WDHD1: variants seen among roughly 807,000 people sequenced by gnomAD.
WDHD1 encodes the protein WD repeat and HMG-box DNA-binding protein 1.
WDHD1 carries 111 observed loss-of-function variants against 135.4 expected under a neutral mutation model. That is an observed-to-expected ratio of 0.82 (90% CI 0.70 to 0.96). The LOEUF (loss-of-function observed/expected upper bound fraction) is 0.96. Among genes scored for constraint, WDHD1 ranks in the 40% least tolerant of loss-of-function variants. WDHD1 has a pLI of 0.00. For missense variants in WDHD1, 1,351 were observed against 1,336.3 expected, an observed-to-expected ratio of 1.01 and a Z score of -0.17; for synonymous variants, 434 against 439.0, an observed-to-expected ratio of 0.99 and a Z score of 0.14.
chr14:54,962,716 T>C, intron 20 of WDHD1, 22 bp downstream of exon 20: 1 of 1,611,258 alleles, frequency 6.2e-7, no homozygotes, highest in Non-Finnish European at 8.5e-7. Context: ...TCATGATTTA[T>C]GGGCTTGAAA....
rs375612070 is a variant in WDHD1, at chr14:54,997,678, C to A, written c.943-1865G>T. Among the ~76,000 whole-genome samples the A allele has an allele frequency of 2.7e-5, 4 of 147,886 alleles. No individual in the cohort carries two copies. The East Asian group carries it at 8.1e-4, about 30-fold the overall frequency. On this transcript the variant is annotated intron_variant, in intron 10 of 25. Coordinates refer to ENST00000360586, the MANE Select transcript of WDHD1 (RefSeq NM_007086.4). ...CTGTAATCCCAGCACTTTGGGAGGCCGAGGTGGGCAGATCACGAGGTCAGG... is the reference window on the plus strand; with the variant it reads ...CTGTAATCCCAGCACTTTGGGAGGCAGAGGTGGGCAGATCACGAGGTCAGG...
At chr14:54,953,880 C>A (rs1162120302) in intron 24 of WDHD1, among the ~76,000 whole-genome samples, 2 of 152,050 alleles carry the variant, frequency 1.3e-5, no homozygotes, top group East Asian at 3.9e-4. Context: ...GGACAAAAAA[C>A]CAAACACCGC....
chr14:54,971,711 T>TAAA (rs2041436328), intron 16 of WDHD1, among the ~76,000 whole-genome samples: 2 of 34,302 alleles, frequency 5.8e-5, no homozygotes, highest in African/African-American at 2.5e-4. Context: ...AGACTCTGCC[T>TAAA]CAAAAAAAAA....
At chr14:54,987,076 AC>A (rs2140196774) in intron 14 of WDHD1, 69 bp downstream of exon 14, 3 of 1,573,888 alleles carry the variant, frequency 1.9e-6, no homozygotes, top group Non-Finnish European at 2.6e-6. Context: ...AAAAAGAGTA[AC>A]AAAAACAGCA....
At position 54,984,708 on chromosome 14, in the gene WDHD1, A is replaced by G. The variant is rs750363975; in HGVS notation, c.1906+15T>C. 1.3e-6 allele frequency: 2 copies of G among 1,586,582 alleles called. No individual in the cohort carries two copies. Among genetic ancestry groups the G allele is most frequent in the South Asian group, 2.3e-5 (2 of 85,464 alleles). ...TTTATATTATACTTGTTTTTTTTAA[A>G]CAAATTTATCTTGCCTTCAGCTGAA... On this transcript the variant is annotated intron_variant, in intron 15 of 25. Transcript: ENST00000360586.
At chr14:54,965,493 T>A (rs2041325918) in intron 18 of WDHD1, among the ~76,000 whole-genome samples, 1 of 152,104 alleles carries the variant, frequency 6.6e-6, no homozygotes, top group Non-Finnish European at 1.5e-5. Flanking sequence ...GCCCTGGAGA[T>A]TAAAAAACAG....
chr14:54,991,546 A>G, intron 11 of WDHD1, 146 bp from the exon 12 acceptor site: 2 of 784,570 alleles, frequency 2.5e-6, no homozygotes, highest in South Asian at 4.1e-5. Flanking sequence ...AAAGAGATGC[A>G]GTGATGGTGC....
chr14:55,000,087 C>T (rs546970340), intron 10 of WDHD1, among the ~76,000 whole-genome samples: 18 of 152,072 alleles, frequency 1.2e-4, no homozygotes, highest in Non-Finnish European at 2.2e-4. Flanking sequence ...ATCTGCCAGG[C>T]AGGGTGAATA....
chr14:54,969,240 G>A (rs1006050886), intron 16 of WDHD1, among the ~76,000 whole-genome samples: 5 of 151,068 alleles, frequency 3.3e-5, no homozygotes, highest in Non-Finnish European at 7.4e-5. Context: ...GGGTTTCACC[G>A]TGGTCTCGAT....
intron 24 of WDHD1, among the ~76,000 whole-genome samples, chr14:54,950,207 T>TAA: frequency 6.6e-6 from 1 of 152,264 alleles, no homozygotes; most frequent in South Asian, 2.1e-4. Context: ...GCAAATTGGA[T>TAA]AAAGAGTCAA....
chr14:55,002,446 T>C (rs2140215726), intron 7 of WDHD1, among the ~76,000 whole-genome samples: 2 of 152,290 alleles, frequency 1.3e-5, no homozygotes, highest in Middle Eastern at 6.8e-3. Flanking sequence ...CAAATCTGTA[T>C]TTTAATTGGC....
At chr14:55,026,962 G>A in intron 1 of WDHD1, 66 bp downstream of exon 1, 1 of 650,092 alleles carries the variant, frequency 1.5e-6, no homozygotes, top group South Asian at 1.8e-5. Context: ...GGGTCTGTCA[G>A]ACAATAAGCC....
At chr14:55,010,578 G>C in intron 3 of WDHD1, 118 bp from the exon 4 acceptor site, 1 of 885,062 alleles carries the variant, frequency 1.1e-6, no homozygotes, top group Non-Finnish European at 1.5e-6. Context: ...TTCATATCAA[G>C]AGAAAAATTA....
chr14:54,998,297 T>C (rs1183111335), intron 10 of WDHD1, among the ~76,000 whole-genome samples: 2 of 152,006 alleles, frequency 1.3e-5, no homozygotes, highest in African/African-American at 4.8e-5. Context: ...GCCCAGCTAA[T>C]TTTTGTATTT....
chr14:54,957,324 A>G (rs2041177160), intron 22 of WDHD1, 120 bp from the exon 23 acceptor site: 1 of 1,105,994 alleles, frequency 9.0e-7, no homozygotes, highest in Non-Finnish European at 1.3e-6. Flanking sequence ...TTAGAACTAA[A>G]TACATTTGGT....
In WDHD1 at chr14:54,942,255, T is replaced by A. The variant is rs573811020; in HGVS notation, c.3190-565A>T. ...GAGAGCAAGACTCCGTCTCAAAAAATAAATAAATAAATAAATAAATAAATA... is the reference window on the plus strand; with the variant it reads ...GAGAGCAAGACTCCGTCTCAAAAAAAAAATAAATAAATAAATAAATAAATA... On this transcript the variant is annotated intron_variant, in intron 25 of 25. Coordinates refer to ENST00000360586, the MANE Select transcript of WDHD1 (RefSeq NM_007086.4). 7.6e-5 allele frequency among the ~76,000 whole-genome samples: 5 copies of A among 65,376 alleles called. No homozygotes were observed. The South Asian group carries it at 1.4e-3, about 18-fold the overall frequency. The allele number at this position is 65,376 out of a possible 152,430, so 42.9% of individuals were successfully genotyped here. A position where few individuals can be genotyped will look rare whatever the true frequency, so the allele number is the denominator to read the frequency against.
intron 16 of WDHD1, among the ~76,000 whole-genome samples, chr14:54,971,440 G>C (rs1240474063): frequency 6.6e-6 from 1 of 152,044 alleles, no homozygotes; most frequent in East Asian, 1.9e-4. Context: ...ATCCAGGTGT[G>C]GTGGCATGTG....
rs760504052 is a variant in WDHD1 at position 55,026,708 on chromosome 14, T to TA, written c.77+2dup. 6.2e-7 allele frequency: 1 copy of TA among 1,614,192 alleles called. No homozygotes were observed. Among genetic ancestry groups the TA allele is most frequent in the Non-Finnish European group, 8.5e-7 (1 of 1,180,000 alleles). ...TAAAACGTTGTTTCTCAAAGAACCT[T>TA]ACCTCCCAGAATCATCAAAACAGAC... On this transcript the variant is annotated splice_region_variant and intron_variant, in intron 2 of 25. Transcript: ENST00000360586.
chr14:54,994,760 C>CAA (rs371199804), intron 11 of WDHD1, among the ~76,000 whole-genome samples: 55 of 110,598 alleles, frequency 5.0e-4, no homozygotes, highest in Non-Finnish European at 8.0e-4. Flanking sequence ...GACTCCGCCT[C>CAA]AAAAAAAAAA....
Sources: allele counts gnomAD v4.1 joint callset (sites outside exome capture counted in the v4.1 genomes callset), GRCh38; gene constraint gnomAD v4.1.1; transcripts MANE v1.5; gene names NCBI Gene and HGNC (gene_info 2026-07-23, HGNC 2026-07-21).